TMEFF2: variants seen among roughly 807,000 people sequenced by gnomAD.
TMEFF2 encodes the protein transmembrane protein with EGF like and two follistatin like domains 2, also known as tomoregulin-2.
In TMEFF2, 28 loss-of-function variants were observed where a neutral mutation model predicts 53.8. The ratio of observed to expected loss-of-function variants is 0.52; its 90% CI spans 0.39 to 0.71. The LOEUF is 0.71. Ranked by LOEUF, TMEFF2 falls within the 30% of genes least tolerant of loss-of-function variation. TMEFF2 has a pLI of 0.00. For missense variants in TMEFF2, 353 were observed against 455.2 expected (o/e 0.78, Z 2.04); for synonymous variants, 162 against 166.3 (o/e 0.97, Z 0.20).
chr2:191,994,642 A>G (rs1227517307), intron 7 of TMEFF2, among the ~76,000 whole-genome samples: 1 of 151,990 alleles, frequency 6.6e-6, no homozygotes, highest in Non-Finnish European at 1.5e-5. Context: ...AACATTTGCT[A>G]TTTAAAAACT....
At chr2:192,089,022 C>T (rs937209402) in intron 4 of TMEFF2, among the ~76,000 whole-genome samples, 1 of 152,112 alleles carries the variant, frequency 6.6e-6, no homozygotes, top group African/African-American at 2.4e-5. Context: ...TCTCTTAAGC[C>T]ACTTTCCATA....
intron 5 of TMEFF2, among the ~76,000 whole-genome samples, chr2:192,050,390 AAGGT>A (rs1215500396): frequency 6.6e-6 from 1 of 152,200 alleles, no homozygotes; most frequent in Non-Finnish European, 1.5e-5. Flanking sequence ...TTAAATAAAA[AAGGT>A]AGGCTAGCAT....
intron 8 of TMEFF2, 28 bp downstream of exon 8, chr2:191,956,227 T>C: frequency 6.3e-7 from 1 of 1,586,376 alleles, no homozygotes. Context: ...CTTTATACAT[T>C]AACTATTCTT....
intron 4 of TMEFF2, among the ~76,000 whole-genome samples, chr2:192,161,234 T>C (rs1228858104): frequency 2.0e-5 from 3 of 152,148 alleles, no homozygotes; most frequent in Admixed American, 1.3e-4. Flanking sequence ...AGTGGCGTGA[T>C]CTTGGCTCAG....
chr2:192,067,855 G>A (rs968767048), intron 4 of TMEFF2, among the ~76,000 whole-genome samples: 2 of 151,790 alleles, frequency 1.3e-5, no homozygotes, highest in Admixed American at 6.6e-5. Context: ...TGTCACCACG[G>A]TAGTAGTTGA....
chr2:192,039,852 T>A (rs1045860077), intron 5 of TMEFF2, among the ~76,000 whole-genome samples: 1 of 152,152 alleles, frequency 6.6e-6, no homozygotes, highest in African/African-American at 2.4e-5. Context: ...AGATTATTGA[T>A]AATTGAAAGG....
At chr2:192,086,205 T>A (rs1358207456) in intron 4 of TMEFF2, among the ~76,000 whole-genome samples, 2 of 152,170 alleles carry the variant, frequency 1.3e-5, no homozygotes, top group Non-Finnish European at 2.9e-5. Flanking sequence ...TTTTGGCATA[T>A]CCGGTTGTTG....
chr2:192,086,875 T>C (rs1688680413), intron 4 of TMEFF2, among the ~76,000 whole-genome samples: 1 of 152,080 alleles, frequency 6.6e-6, no homozygotes, highest in African/African-American at 2.4e-5. Context: ...CAATTTTCCC[T>C]TTTGACTTAT....
chr2:192,063,531 T>C (rs552692698), intron 4 of TMEFF2, among the ~76,000 whole-genome samples: 1 of 152,034 alleles, frequency 6.6e-6, no homozygotes, highest in Non-Finnish European at 1.5e-5. Flanking sequence ...TAGCTTGCTC[T>C]AGTGTGGAAT....
At chr2:192,187,872 T>C (rs1210780218) in intron 2 of TMEFF2, among the ~76,000 whole-genome samples, 2 of 152,236 alleles carry the variant, frequency 1.3e-5, no homozygotes, top group East Asian at 1.9e-4. Flanking sequence ...GAGAAGTTTT[T>C]CATGGGATTT....
chr2:192,091,749 G>T (rs1559122377), intron 4 of TMEFF2, among the ~76,000 whole-genome samples: 1 of 151,880 alleles, frequency 6.6e-6, no homozygotes. Flanking sequence ...TATTATCACA[G>T]TACTGAATTT....
At chr2:192,146,386 G>A (rs1690251133) in intron 4 of TMEFF2, among the ~76,000 whole-genome samples, 2 of 151,964 alleles carry the variant, frequency 1.3e-5, no homozygotes, top group South Asian at 4.1e-4. Flanking sequence ...GAAGAGATCT[G>A]AGACTAGAAA....
chr2:191,974,060 G>A (rs1054770384), intron 7 of TMEFF2, among the ~76,000 whole-genome samples: 10 of 152,060 alleles, frequency 6.6e-5, no homozygotes, highest in Admixed American at 2.0e-4. Flanking sequence ...CAGAAAGTAC[G>A]GAGAATTATT....
chr2:192,076,979 C>T (rs1249384836), intron 4 of TMEFF2, among the ~76,000 whole-genome samples: 1 of 152,188 alleles, frequency 6.6e-6, no homozygotes, highest in Non-Finnish European at 1.5e-5. Flanking sequence ...GACCCTTTTC[C>T]TACTGTTAGC....
chr2:191,973,533 G>A (rs1692714277), intron 7 of TMEFF2, among the ~76,000 whole-genome samples: 1 of 151,990 alleles, frequency 6.6e-6, no homozygotes, highest in Non-Finnish European at 1.5e-5. Flanking sequence ...CTTTGATAAA[G>A]TAGGAGCTTG....
intron 4 of TMEFF2, among the ~76,000 whole-genome samples, chr2:192,100,339 G>C (rs1178273597): frequency 1.3e-5 from 2 of 152,140 alleles, no homozygotes; most frequent in Non-Finnish European, 2.9e-5. Context: ...TTTCAGGAAA[G>C]TTTGACTTCA....
intron 4 of TMEFF2, among the ~76,000 whole-genome samples, chr2:192,118,734 A>C (rs557103299): frequency 6.6e-5 from 10 of 152,302 alleles, no homozygotes; most frequent in Admixed American, 2.6e-4. Flanking sequence ...AAATGTCCAT[A>C]AAGTAAGTAA....
At chr2:192,180,942 A>G (rs1691171761) in intron 3 of TMEFF2, among the ~76,000 whole-genome samples, 1 of 151,834 alleles carries the variant, frequency 6.6e-6, no homozygotes, top group Non-Finnish European at 1.5e-5. Context: ...CAAGTAATCA[A>G]TTAACTATTA....
intron 4 of TMEFF2, among the ~76,000 whole-genome samples, chr2:192,157,667 C>T (rs147255806): frequency 1.8e-4 from 28 of 151,962 alleles, no homozygotes; most frequent in African/African-American, 5.5e-4. Flanking sequence ...TTGTTTCTAC[C>T]GTCCCTATTC....
Sources: gnomAD v4.1 joint callset for allele counts (sites outside exome capture counted in the v4.1 genomes callset) on GRCh38, gnomAD v4.1.1 for gene constraint, MANE v1.5 for transcripts, NCBI Gene and HGNC (gene_info 2026-07-23, HGNC 2026-07-21) for gene names.